CTNNAL1: variants seen among roughly 807,000 people sequenced by gnomAD.
CTNNAL1 encodes alpha-catulin.
Under a neutral mutation model 93.6 loss-of-function variants are expected in CTNNAL1, and 69 were observed. That is an observed-to-expected ratio of 0.74 (90% CI 0.61 to 0.90). The LOEUF is 0.90. Among genes scored for constraint, CTNNAL1 ranks in the 40% least tolerant of loss-of-function variants. The pLI, the probability that CTNNAL1 is intolerant of heterozygous loss-of-function variation, is 0.00. For missense variants in CTNNAL1, 836 were observed against 862.0 expected (o/e 0.97, Z 0.38); for synonymous variants, 286 against 305.4 (o/e 0.94, Z 0.66).
intron 10 of CTNNAL1, among the ~76,000 whole-genome samples, chr9:108,967,874 T>C (rs1406639260): frequency 6.6e-6 from 1 of 152,206 alleles, no homozygotes; most frequent in African/African-American, 2.4e-5. Context: ...TTACAGAAGA[T>C]TAATATGATC....
chr9:108,990,289 G>A (rs1831749228), intron 4 of CTNNAL1, among the ~76,000 whole-genome samples: 1 of 142,310 alleles, frequency 7.0e-6, no homozygotes, highest in Non-Finnish European at 1.6e-5. Context: ...CACATAGGCA[G>A]TGCAAATAAA....
At chr9:109,003,529 T>A (rs1826915657) in intron 1 of CTNNAL1, among the ~76,000 whole-genome samples, 1 of 152,198 alleles carries the variant, frequency 6.6e-6, no homozygotes, top group Non-Finnish European at 1.5e-5. Context: ...CCATGAACTA[T>A]TCCCAGGACT....
At chr9:108,952,146 C>A in intron 14 of CTNNAL1, 63 bp downstream of exon 14, 1 of 1,412,792 alleles carries the variant, frequency 7.1e-7, no homozygotes, top group South Asian at 1.4e-5. Flanking sequence ...TAACATGGAA[C>A]TTTTTTCTTT....
At chr9:108,943,077 T>A (rs760319044) in intron 17 of CTNNAL1, 33 bp from the exon 18 acceptor site, 1 of 1,559,394 alleles carries the variant, frequency 6.4e-7, no homozygotes, top group East Asian at 2.2e-5. Flanking sequence ...AATGATATTC[T>A]AAAAGTAGTA....
intron 1 of CTNNAL1, 139 bp downstream of exon 1, chr9:109,013,163 A>T (rs1339818409): frequency 3.0e-5 from 33 of 1,102,784 alleles, no homozygotes; most frequent in Non-Finnish European, 4.0e-5. Context: ...AGCCCCACAC[A>T]GGCGGTCCGA....
At chr9:109,002,544 G>C (rs1235649909) in intron 1 of CTNNAL1, among the ~76,000 whole-genome samples, 1 of 152,094 alleles carries the variant, frequency 6.6e-6, no homozygotes, top group Non-Finnish European at 1.5e-5. Context: ...CGATGAACTG[G>C]GAGATCTAAC....
chr9:108,967,892 T>C (rs1831005498), intron 10 of CTNNAL1, among the ~76,000 whole-genome samples: 1 of 152,178 alleles, frequency 6.6e-6, no homozygotes, highest in Non-Finnish European at 1.5e-5. Flanking sequence ...ATCAGGGCCA[T>C]GTTAGCTAAT....
chr9:109,004,575 C>G (rs977592171), intron 1 of CTNNAL1, among the ~76,000 whole-genome samples: 1 of 152,110 alleles, frequency 6.6e-6, no homozygotes, highest in East Asian at 1.9e-4. Flanking sequence ...ATCACGAGGT[C>G]AGGAATTTGA....
intron 10 of CTNNAL1, 49 bp from the exon 11 acceptor site, chr9:108,965,577 C>G: frequency 7.6e-6 from 9 of 1,180,170 alleles, no homozygotes; most frequent in Non-Finnish European, 1.0e-5. Context: ...TCTTAGCCCT[C>G]AGAATCACTT....
intron 4 of CTNNAL1, among the ~76,000 whole-genome samples, chr9:108,985,793 G>GT (rs1491171442): frequency 6.6e-6 from 1 of 152,130 alleles, no homozygotes; most frequent in East Asian, 1.9e-4. Flanking sequence ...AATGCATCAA[G>GT]TGTGTATGCC....
chr9:108,945,329 T>C (rs1830368179), intron 15 of CTNNAL1, among the ~76,000 whole-genome samples: 1 of 152,184 alleles, frequency 6.6e-6, no homozygotes, highest in South Asian at 2.1e-4. Flanking sequence ...CATCTCTAAA[T>C]TATAATATCT....
intron 10 of CTNNAL1, among the ~76,000 whole-genome samples, chr9:108,966,707 T>A (rs547122644): frequency 1.6e-3 from 230 of 146,406 alleles, no homozygotes; most frequent in Non-Finnish European, 2.7e-3. Flanking sequence ...TTTTATTTAG[T>A]GTTAGCTACT....
intron 1 of CTNNAL1, among the ~76,000 whole-genome samples, chr9:109,008,427 G>A (rs950658405): frequency 2.6e-5 from 4 of 152,078 alleles, no homozygotes; most frequent in South Asian, 2.1e-4. Context: ...GATTACAGGC[G>A]TGAGCCACCA....
intron 8 of CTNNAL1, among the ~76,000 whole-genome samples, chr9:108,976,624 G>T (rs1397425764): frequency 6.6e-6 from 1 of 152,016 alleles, no homozygotes; most frequent in Non-Finnish European, 1.5e-5. Flanking sequence ...TTGAGCCCTG[G>T]GGATCAGGTG....
intron 1 of CTNNAL1, among the ~76,000 whole-genome samples, chr9:109,012,530 A>G (rs888415573): frequency 3.9e-5 from 6 of 152,126 alleles, no homozygotes; most frequent in African/African-American, 1.4e-4. Context: ...GCTGCATATA[A>G]CCCAGCTCAG....
chr9:108,951,576 G>A (rs1325608502), intron 14 of CTNNAL1, among the ~76,000 whole-genome samples: 1 of 152,120 alleles, frequency 6.6e-6, no homozygotes, highest in African/African-American at 2.4e-5. Flanking sequence ...TTCTAGAAGG[G>A]ATTTTTGAGC....
At chr9:108,992,091 A>G in intron 3 of CTNNAL1, 1 of 766,926 alleles carries the variant, frequency 1.3e-6, no homozygotes, top group Non-Finnish European at 2.4e-6. Context: ...GAAAAAAAGT[A>G]CAGAAGAATT....
At chr9:108,954,894 A>T (rs1830653411) in intron 12 of CTNNAL1, among the ~76,000 whole-genome samples, 1 of 152,076 alleles carries the variant, frequency 6.6e-6, no homozygotes, top group East Asian at 1.9e-4. Context: ...TCTTCATTGC[A>T]AGTTCTCTCT....
At chr9:108,944,901 C>T (rs1030688230) in intron 15 of CTNNAL1, among the ~76,000 whole-genome samples, 6 of 152,184 alleles carry the variant, frequency 3.9e-5, no homozygotes, top group Admixed American at 3.9e-4. Context: ...AAGGTCAAAT[C>T]GTACTTTGCA....
Sources: allele counts gnomAD v4.1 joint callset (sites outside exome capture counted in the v4.1 genomes callset), GRCh38; gene constraint gnomAD v4.1.1; transcripts MANE v1.5; gene names NCBI Gene and HGNC (gene_info 2026-07-23, HGNC 2026-07-21).